Variants in TSC22D2 observed in about 807,000 individuals in gnomAD.
TSC22D2 encodes TSC22 domain family protein 2.
In TSC22D2, 5 loss-of-function variants were observed where a neutral mutation model predicts 50.1. The ratio of observed to expected loss-of-function variants is 0.10; its 90% CI spans 0.05 to 0.21. The LOEUF (loss-of-function observed/expected upper bound fraction) is 0.21, where lower values mean the gene tolerates loss of function less well. Among genes scored for constraint, TSC22D2 ranks in the 10% least tolerant of loss-of-function variants. TSC22D2 has a pLI of 1.00. For synonymous variants in TSC22D2, 501 were observed against 450.1 expected, an observed-to-expected ratio of 1.11 and a Z score of -1.43; for missense variants, 1,003 against 1,015.5, an observed-to-expected ratio of 0.99 and a Z score of 0.17.
chr3:150,415,879 A>G (rs939226367), intron 1 of TSC22D2, among the ~76,000 whole-genome samples: 1 of 152,240 alleles, frequency 6.6e-6, no homozygotes, highest in Non-Finnish European at 1.5e-5. Context: ...TACTGGATCT[A>G]TGAATCTGGT....
chr3:150,415,639 G>A lies in TSC22D2; in HGVS notation c.1958+4331G>A, dbSNP rs912024219. Among the ~76,000 whole-genome samples the A allele has an allele frequency of 2.6e-5, 4 of 152,100 alleles. No homozygotes were observed. In the East Asian group the frequency reaches 7.7e-4, roughly 29 times the overall value. On this transcript the variant is annotated intron_variant, in intron 1 of 2. Transcript: ENST00000688009. ...AGACCAGCCTGGGCAACATAGCGAG[G>A]CTTTGTCTCTACAAAACATTTAAAA...
chr3:150,432,917 A>G (rs1195366750), intron 1 of TSC22D2, among the ~76,000 whole-genome samples: 2 of 152,286 alleles, frequency 1.3e-5, no homozygotes, highest in Non-Finnish European at 1.5e-5. Context: ...GTTTGTGTGC[A>G]TAAACATGCT....
In TSC22D2 at chr3:150,409,438, A is replaced by G. The variant is rs1197824161; in HGVS notation, c.88A>G (p.Thr30Ala). 8 of 1,613,522 alleles carry G rather than the reference A, an allele frequency of 5.0e-6. No homozygotes were observed. Among genetic ancestry groups the G allele is most frequent in the Non-Finnish European group, 5.9e-6 (7 of 1,179,910 alleles). Reference protein sequence around the residue: ...AQVATSITEDTESLDDPDESR... With the variant: ...AQVATSITEDAESLDDPDESR... ...GGTGGCCACTAGCATCACCGAGGAC[A>G]CCGAGAGCTTGGACGACCCGGACGA... The change falls in exon 1 of 3, where the codon ACC (threonine) becomes GCC (alanine). Residue 30 changes from threonine (T) to alanine (A), a missense_variant. Transcript: ENST00000688009. This position sits in a 1 kb window ranked among gnomAD's most constrained non-coding sequence, Gnocchi z 7.4.
In TSC22D2 at chr3:150,464,162, A is replaced by G. The variant is rs1297790934; in HGVS notation, c.*5526A>G. On this transcript the variant is annotated 3_prime_UTR_variant, in exon 3 of 3. Coordinates refer to ENST00000688009, the MANE Select transcript of TSC22D2 (RefSeq NM_001303264.2). Reference sequence around the variant, plus strand: ...TTTTGCATGCCTACAATATTTCCATATAACAACTGTAAAATACTCTTGCCT... The same window carrying G: ...TTTTGCATGCCTACAATATTTCCATGTAACAACTGTAAAATACTCTTGCCT... The G allele has an allele frequency of 2.6e-5, 4 of 152,312 alleles. No individual in the cohort carries two copies. The highest frequency in any genetic ancestry group is 1.9e-4 in the East Asian group (1 of 5,186). 9.4% of individuals were successfully genotyped at this position (152,312 alleles called of 1,614,324 possible). A position where few individuals can be genotyped will look rare whatever the true frequency, so the allele number is the denominator to read the frequency against.
chr3:150,442,718 C>T (rs948265928), intron 1 of TSC22D2, among the ~76,000 whole-genome samples: 1 of 152,142 alleles, frequency 6.6e-6, no homozygotes, highest in African/African-American at 2.4e-5. Flanking sequence ...AATCCCAGCA[C>T]TTTGAGAGTC....
intron 1 of TSC22D2, among the ~76,000 whole-genome samples, chr3:150,416,410 A>T (rs1466551723): frequency 6.6e-6 from 1 of 152,164 alleles, no homozygotes; most frequent in Non-Finnish European, 1.5e-5. Flanking sequence ...AGAAATATTA[A>T]TCATATTTAA....
intron 1 of TSC22D2, among the ~76,000 whole-genome samples, chr3:150,456,390 G>A (rs546263795): frequency 1.7e-4 from 26 of 151,900 alleles, no homozygotes; most frequent in Admixed American, 8.5e-4. Context: ...TTTTCACCAC[G>A]TTGGCCAGGC....
chr3:150,438,605 T>G (rs1220252392), intron 1 of TSC22D2, among the ~76,000 whole-genome samples: 1 of 152,156 alleles, frequency 6.6e-6, no homozygotes, highest in African/African-American at 2.4e-5. Flanking sequence ...ATAGTAAGAT[T>G]ATTAAAATAT....
At chr3:150,438,459 A>C (rs992940528) in intron 1 of TSC22D2, 6 of 158,108 alleles carry the variant, frequency 3.8e-5, no homozygotes, top group African/African-American at 1.4e-4. Flanking sequence ...ATAGTATTAA[A>C]TATAAGTTAA....
intron 1 of TSC22D2, among the ~76,000 whole-genome samples, chr3:150,454,907 C>T (rs1008351680): frequency 6.6e-6 from 1 of 152,036 alleles, no homozygotes; most frequent in Non-Finnish European, 1.5e-5. Flanking sequence ...GAATAGCATG[C>T]TAACTATTCT....
intron 1 of TSC22D2, among the ~76,000 whole-genome samples, chr3:150,445,378 C>A (rs1720851376): frequency 6.7e-6 from 1 of 150,072 alleles, no homozygotes; most frequent in African/African-American, 2.4e-5. Context: ...AAATGTAAAT[C>A]TCAAGTCAAA....
exon 3 of TSC22D2, chr3:150,466,417 A>ATAAAATAAT (rs944717146): frequency 2.0e-5 from 3 of 152,192 alleles, no homozygotes; most frequent in African/African-American, 7.2e-5. Context: ...TAGAAATAAA[A>ATAAAATAAT]TAAAATAATG....
At position 150,409,614 on chromosome 3, in the gene TSC22D2, C is replaced by T. The variant is rs747395283; in HGVS notation, c.264C>T (p.Leu88=). Residue 88 remains leucine, a synonymous_variant, in exon 1 of 3, where the codon CTC becomes CTT. Coordinates refer to ENST00000688009, the MANE Select transcript of TSC22D2 (RefSeq NM_001303264.2). The surrounding 1 kb of genome is among the most constrained non-coding windows in gnomAD (Gnocchi z 7.4). ...AETPGTVSPN[L]LLDGQLAAAA... is the part of the protein sequence containing the mutation. ...CTCCCGGGACCGTCTCCCCAAACCTCCTCCTAGATGGGCAGCTGGCAGCGG... is the reference window on the plus strand; with the variant it reads ...CTCCCGGGACCGTCTCCCCAAACCTTCTCCTAGATGGGCAGCTGGCAGCGG... 10 of 1,609,142 alleles carry T rather than the reference C, an allele frequency of 6.2e-6. No individual in the cohort carries two copies. The South Asian group carries it at 1.1e-4, about 18-fold the overall frequency.
At position 150,410,907 on chromosome 3, in the gene TSC22D2, T is replaced by C; in HGVS notation, c.1557T>C (p.Pro519=). Residue 519 remains proline, a synonymous_variant, in exon 1 of 3, where the codon CCT becomes CCC. Coordinates refer to ENST00000688009, the MANE Select transcript of TSC22D2 (RefSeq NM_001303264.2). ...CAGCCGTGCCCGCTCCAAGCGTGCC[T>C]AGTGTGTCTACCACTTCTGTTACTA... ...VPAAVPAPSV[P]SVSTTSVTMP... is the part of the protein sequence containing the mutation. 6.2e-7 allele frequency: 1 copy of C among 1,614,080 alleles called. No individual in the cohort carries two copies. The highest frequency in any genetic ancestry group is 8.5e-7 in the Non-Finnish European group (1 of 1,180,026).
rs961562313 is a variant in TSC22D2 at position 150,465,265 on chromosome 3, C to T, written c.*6629C>T. On this transcript the variant is annotated 3_prime_UTR_variant, in exon 3 of 3. Coordinates refer to ENST00000688009, the MANE Select transcript of TSC22D2 (RefSeq NM_001303264.2). ...ATTGGAAGCTATGAAGCTATATACC[C>T]TGTCCATTTGAAAATGCACATAAGC... 5.3e-5 allele frequency: 8 copies of T among 152,182 alleles called. No individual in the cohort carries two copies. The highest frequency in any genetic ancestry group is 2.1e-4 in the South Asian group (1 of 4,838). The allele number at this position is 152,182 out of a possible 1,614,324, so 9.4% of individuals were successfully genotyped here. A position where few individuals can be genotyped will look rare whatever the true frequency, so the allele number is the denominator to read the frequency against.
chr3:150,414,803 C>T (rs1433567118), intron 1 of TSC22D2, among the ~76,000 whole-genome samples: 2 of 151,508 alleles, frequency 1.3e-5, no homozygotes, highest in Admixed American at 6.6e-5. Context: ...CAGTCTTCGA[C>T]CTCTGTTGTA....
chr3:150,410,719 G>C lies in TSC22D2; in HGVS notation c.1369G>C (p.Val457Leu). ...GGTCGCGCCTTGTCAGCCGACTGGA[G>C]TGCCCCCGGCTACTGTGGGAGGCGT... ...GQVAPCQPTG[V>L]PPATVGGVVQ... The change falls in exon 1 of 3, where the codon GTG becomes CTG. Residue 457 changes from valine (V) to leucine (L), a missense_variant. Transcript: ENST00000688009. The C allele has an allele frequency of 6.3e-7, 1 of 1,589,306 alleles. No homozygotes were observed. Among genetic ancestry groups the C allele is most frequent in the African/African-American group, 1.3e-5 (1 of 74,344 alleles).
intron 1 of TSC22D2, among the ~76,000 whole-genome samples, chr3:150,418,637 G>A (rs1038469800): frequency 6.6e-6 from 1 of 151,678 alleles, no homozygotes; most frequent in African/African-American, 2.4e-5. Context: ...AGAGGTAAAA[G>A]GCAGTTTGTA....
rs768002783 is a variant in TSC22D2 at position 150,410,756 on chromosome 3, G to T, written c.1406G>T (p.Cys469Phe). 17 of 1,608,160 alleles carry T rather than the reference G, an allele frequency of 1.1e-5. No homozygotes were observed. The highest frequency in any genetic ancestry group is 1.4e-5 in the Non-Finnish European group (16 of 1,177,802). Residue 469 changes from cysteine (C) to phenylalanine (F), a missense_variant, in exon 1 of 3, where the codon TGC (cysteine) becomes TTC (phenylalanine). By Grantham distance (205) the Cys-to-Phe change is radical. Around this residue, in one of 6 missense-constraint regions of TSC22D2, gnomAD observed 696 missense variants for 647.8 expected, o/e 1.07. Transcript: ENST00000688009. ...PATVGGVVQP[C>F]LGPAGAGQPQ... ...ACTGTGGGAGGCGTGGTGCAGCCGT[G>T]CCTCGGTCCTGCCGGGGCTGGGCAG...
Sources: allele counts gnomAD v4.1 joint callset (sites outside exome capture counted in the v4.1 genomes callset), GRCh38; gene constraint gnomAD v4.1.1; regional missense constraint gnomAD v4.1.1; non-coding constraint Gnocchi (gnomAD v3.1); transcripts MANE v1.5; gene names NCBI Gene and HGNC (gene_info 2026-07-23, HGNC 2026-07-21).